Variants in ADAM18 observed in about 807,000 individuals in gnomAD.
The protein encoded by ADAM18 is disintegrin and metalloproteinase domain-containing protein 18.
Under a neutral mutation model 94.4 loss-of-function variants are expected in ADAM18, and 117 were observed. The observed-to-expected ratio is 1.24, with a 90% CI of 1.07 to 1.45. The LOEUF (loss-of-function observed/expected upper bound fraction) is 1.45, where lower values mean the gene tolerates loss of function less well. Among genes scored for constraint, ADAM18 ranks in the 40% most tolerant of loss-of-function variants. ADAM18 has a pLI of 0.00. For synonymous variants in ADAM18, 327 were observed against 291.6 expected, an observed-to-expected ratio of 1.12 and a Z score of -1.24; for missense variants, 936 against 880.0, an observed-to-expected ratio of 1.06 and a Z score of -0.81.
At chr8:39,665,212 G>A (rs1264582380) in intron 13 of ADAM18, among the ~76,000 whole-genome samples, 1 of 152,122 alleles carries the variant, frequency 6.6e-6, no homozygotes, top group Non-Finnish European at 1.5e-5. Flanking sequence ...TGTGAAGCAG[G>A]CATCTTAACA....
At chr8:39,716,462 G>T (rs1293520360) in intron 18 of ADAM18, among the ~76,000 whole-genome samples, 3 of 151,862 alleles carry the variant, frequency 2.0e-5, no homozygotes, top group African/African-American at 7.3e-5. Flanking sequence ...CACAAAGATT[G>T]TTCACTAGTG....
chr8:39,614,394 A>G (rs1285990387), intron 6 of ADAM18, among the ~76,000 whole-genome samples: 1 of 152,220 alleles, frequency 6.6e-6, no homozygotes, highest in Admixed American at 6.5e-5. Context: ...CAAAGAAGAA[A>G]TAAAATCCTT....
At chr8:39,691,624 A>C (rs1821783483) in intron 16 of ADAM18, among the ~76,000 whole-genome samples, 1 of 152,118 alleles carries the variant, frequency 6.6e-6, no homozygotes, top group South Asian at 2.1e-4. Flanking sequence ...TGTGGTACAT[A>C]CACACAACAG....
At chr8:39,627,669 C>A (rs928013873) in intron 6 of ADAM18, among the ~76,000 whole-genome samples, 17 of 151,944 alleles carry the variant, frequency 1.1e-4, no homozygotes, top group Admixed American at 2.0e-4. Flanking sequence ...TTTATCCATT[C>A]TGCAAATCTG....
In ADAM18 at chr8:39,704,948, C is replaced by T. The variant is rs140072190; in HGVS notation, c.1903-1842C>T. Among the ~76,000 whole-genome samples, 409 of 152,216 alleles carry T rather than the reference C, an allele frequency of 2.7e-3. 5 individuals are homozygous for T. The highest frequency in any genetic ancestry group is 9.5e-3 in the African/African-American group (393 of 41,536). On this transcript the variant is annotated intron_variant, in intron 17 of 19. Coordinates refer to ENST00000265707, the MANE Select transcript of ADAM18 (RefSeq NM_014237.3). Reference sequence around the variant, plus strand: ...GGAGGGGTGGGGAACTGGAATAACACTTTGTCAAAATATAGAGGAAAATAT... The same window carrying T: ...GGAGGGGTGGGGAACTGGAATAACATTTTGTCAAAATATAGAGGAAAATAT...
In ADAM18 at chr8:39,658,485, C is replaced by T. The variant is rs566144482; in HGVS notation, c.1231-5310C>T. Among the ~76,000 whole-genome samples the T allele has an allele frequency of 7.2e-5, 11 of 151,990 alleles. No individual in the cohort carries two copies. In the South Asian group the frequency reaches 1.2e-3, roughly 17 times the overall value. ...AAAGATAGAGGAAAAAAACATGAGC[C>T]GAGGAATTTGAGTGGCCTTCTATGA... On this transcript the variant is annotated intron_variant, in intron 12 of 19. Transcript: ENST00000265707.
chr8:39,606,505 A>T (rs994775741), intron 3 of ADAM18, 143 bp downstream of exon 3: 2 of 488,070 alleles, frequency 4.1e-6, no homozygotes, highest in East Asian at 7.0e-5. Context: ...CCAATTTAGG[A>T]TTCATTAGGT....
intron 6 of ADAM18, among the ~76,000 whole-genome samples, chr8:39,614,652 A>C (rs964553634): frequency 1.3e-5 from 2 of 152,198 alleles, no homozygotes; most frequent in Admixed American, 1.3e-4. Flanking sequence ...AAAACACCCC[A>C]CATAAAAGCA....
chr8:39,629,573 T>G lies in ADAM18; in HGVS notation c.588+134T>G, dbSNP rs1439014234. On this transcript the variant is annotated intron_variant, in intron 7 of 19. Transcript: ENST00000265707. ...TCCCTTCCTCCATTGTCTCCTTATT[T>G]TCTCCCTCTCCTCTCTTTTCCTCCC... 1.4e-5 allele frequency: 8 copies of G among 572,258 alleles called. No homozygotes were observed. In the South Asian group the frequency reaches 2.0e-4, roughly 15 times the overall value. The allele number at this position is 572,258 out of a possible 1,614,324, so 35.4% of individuals were successfully genotyped here.
intron 13 of ADAM18, among the ~76,000 whole-genome samples, chr8:39,667,102 C>T (rs1821011274): frequency 6.6e-6 from 1 of 151,962 alleles, no homozygotes; most frequent in Non-Finnish European, 1.5e-5. Context: ...AAAAATGAGG[C>T]CAGGTGTGGT....
At chr8:39,727,737 T>A (rs1404066894) in intron 19 of ADAM18, among the ~76,000 whole-genome samples, 2 of 152,172 alleles carry the variant, frequency 1.3e-5, no homozygotes, top group African/African-American at 4.8e-5. Flanking sequence ...TGTTCCCTCA[T>A]CTTCCTGTCT....
chr8:39,684,640 G>T (rs1400017104), intron 16 of ADAM18, among the ~76,000 whole-genome samples: 5 of 152,164 alleles, frequency 3.3e-5, no homozygotes, highest in Non-Finnish European at 7.3e-5. Flanking sequence ...TTGCCCTGGT[G>T]GGGGCTGTCT....
chr8:39,706,714 A>C lies in ADAM18; in HGVS notation c.1903-76A>C, dbSNP rs997994511. 6.4e-6 allele frequency: 4 copies of C among 629,628 alleles called. No individual in the cohort carries two copies. In the African/African-American group the frequency reaches 7.3e-5, roughly 12 times the overall value. 39.0% of individuals were successfully genotyped at this position (629,628 alleles called of 1,614,324 possible). A position where few individuals can be genotyped will look rare whatever the true frequency, so the allele number is the denominator to read the frequency against. On this transcript the variant is annotated intron_variant, in intron 17 of 19. Transcript: ENST00000265707. ...ATTATTCTATGAAATTTAGTTATTT[A>C]TATCAGATACAAAGACCTTGTATCA...
chr8:39,624,608 A>G (rs917287248), intron 6 of ADAM18, among the ~76,000 whole-genome samples: 1 of 152,170 alleles, frequency 6.6e-6, no homozygotes, highest in Non-Finnish European at 1.5e-5. Context: ...ATTTTGCTTA[A>G]GAATGCTGAT....
chr8:39,673,146 G>A (rs1821203814), intron 14 of ADAM18, among the ~76,000 whole-genome samples: 1 of 152,110 alleles, frequency 6.6e-6, no homozygotes, highest in South Asian at 2.1e-4. Flanking sequence ...TATTCAATAT[G>A]ATCCCTGCAG....
chr8:39,619,742 C>T (rs908566517), intron 6 of ADAM18, among the ~76,000 whole-genome samples: 3 of 151,860 alleles, frequency 2.0e-5, no homozygotes, highest in Non-Finnish European at 2.9e-5. Context: ...TTGAAATAGA[C>T]ACAGTAAATG....
At chr8:39,686,930 T>G (rs778321812) in intron 16 of ADAM18, among the ~76,000 whole-genome samples, 3 of 152,224 alleles carry the variant, frequency 2.0e-5, no homozygotes, top group Non-Finnish European at 4.4e-5. Flanking sequence ...TAAGGGGAAT[T>G]TGTTGAAAGT....
At chr8:39,705,495 CAGG>C (rs2129581281) in intron 17 of ADAM18, among the ~76,000 whole-genome samples, 1 of 152,176 alleles carries the variant, frequency 6.6e-6, no homozygotes, top group South Asian at 2.1e-4. Context: ...GAAGCTGATG[CAGG>C]AGGATTACTT....
chr8:39,715,985 C>T (rs1321725985), intron 18 of ADAM18, among the ~76,000 whole-genome samples: 10 of 151,968 alleles, frequency 6.6e-5, no homozygotes, highest in African/African-American at 1.7e-4. Context: ...GAAGACTTCA[C>T]GAGGACGGGA....
Sources: allele counts gnomAD v4.1 joint callset (sites outside exome capture counted in the v4.1 genomes callset), GRCh38; gene constraint gnomAD v4.1.1; transcripts MANE v1.5; gene names NCBI Gene and HGNC (gene_info 2026-07-23, HGNC 2026-07-21).